Variants in NFILZ observed in about 807,000 individuals in gnomAD.
NFILZ encodes NFIL3 like basic leucine zipper, also known as NFIL3 like protein.
intron 3 of NFILZ, among the ~76,000 whole-genome samples, chr19:8,664,253 C>T (rs781820522): frequency 4.6e-5 from 7 of 152,198 alleles, no homozygotes; most frequent in Non-Finnish European, 1.0e-4. Flanking sequence ...GCCCATTTCA[C>T]AGTTCAAAGA....
intron 3 of NFILZ, among the ~76,000 whole-genome samples, chr19:8,665,901 C>T (rs1484160755): frequency 6.6e-6 from 1 of 152,198 alleles, no homozygotes; most frequent in African/African-American, 2.4e-5. Flanking sequence ...AGAAATCTTA[C>T]ACTCGCTGGA....
Position 8,678,077 on chromosome 19 carries a change from AATCCATCCATCCATTCC to A in NFILZ, c.*457_*473del. Among the ~76,000 whole-genome samples, 1 of 6,110 alleles carries A rather than the reference AATCCATCCATCCATTCC, an allele frequency of 1.6e-4. No individual in the cohort carries two copies. Among genetic ancestry groups the A allele is most frequent in the Non-Finnish European group, 3.1e-4 (1 of 3,222 alleles). The allele number at this position is 6,110 out of a possible 152,430, so 4.0% of individuals were successfully genotyped here. On this transcript the variant is annotated 3_prime_UTR_variant, in exon 6 of 6. Coordinates refer to ENST00000691075, the MANE Select transcript of NFILZ (RefSeq NM_001378600.1). ...CCACCCATCTATTCATCCATCCATC[AATCCATCCATCCATTCC>A]ATCCATCCATCCATCCATCCATCCA... is the stretch of plus-strand genomic sequence containing the variant.
intron 3 of NFILZ, among the ~76,000 whole-genome samples, chr19:8,663,913 A>G (rs1047833711): frequency 4.6e-5 from 7 of 151,816 alleles, no homozygotes; most frequent in Non-Finnish European, 8.8e-5. Flanking sequence ...TTGGCCTTGG[A>G]TGGACACGAG....
In NFILZ at chr19:8,678,043, T is replaced by TCCATCCATTCAG. The variant is rs2043120698; in HGVS notation, c.*416_*417insTCAGCCATCCAT. Among the ~76,000 whole-genome samples the TCCATCCATTCAG allele has an allele frequency of 2.2e-5, 1 of 45,234 alleles. No individual in the cohort carries two copies. Among genetic ancestry groups the TCCATCCATTCAG allele is most frequent in the Non-Finnish European group, 4.7e-5 (1 of 21,334 alleles). The allele number at this position is 45,234 out of a possible 152,430, so 29.7% of individuals were successfully genotyped here. ...CCTTATCCATCTATCCATCCATCCA[T>TCCATCCATTCAG]CCATCCATCCACCCATCTATTCATC... On this transcript the variant is annotated 3_prime_UTR_variant, in exon 6 of 6. Coordinates refer to ENST00000691075, the MANE Select transcript of NFILZ (RefSeq NM_001378600.1).
intron 3 of NFILZ, among the ~76,000 whole-genome samples, chr19:8,664,742 T>C (rs1363461562): frequency 6.6e-6 from 1 of 151,962 alleles, no homozygotes; most frequent in Non-Finnish European, 1.5e-5. Context: ...TGGTTCTCCT[T>C]GGGCAGACTT....
At chr19:8,657,740 T>C (rs911675212) in intron 3 of NFILZ, among the ~76,000 whole-genome samples, 12 of 152,324 alleles carry the variant, frequency 7.9e-5, no homozygotes, top group African/African-American at 2.9e-4. Context: ...GGCCAGTGTC[T>C]GACTGCAGCA....
At position 8,642,814 on chromosome 19, in the gene NFILZ, G is replaced by C. The variant is rs1486620746; in HGVS notation, c.-164+7068G>C. 2.0e-5 allele frequency among the ~76,000 whole-genome samples: 3 copies of C among 152,074 alleles called. No homozygotes were observed. In the East Asian group the frequency reaches 5.8e-4, roughly 29 times the overall value. ...CCCAGACTCAGGAAGTAAGGAAACA[G>C]AATCTATCTCTTGACTGGAGGAAAT... On this transcript the variant is annotated intron_variant, in intron 3 of 5. Transcript: ENST00000691075.
At chr19:8,634,839 C>CA (rs1202508561) in intron 2 of NFILZ, among the ~76,000 whole-genome samples, 1 of 152,040 alleles carries the variant, frequency 6.6e-6, no homozygotes, top group African/African-American at 2.4e-5. Context: ...AAGATGGCCC[C>CA]ACTGCACTTT....
intron 3 of NFILZ, among the ~76,000 whole-genome samples, chr19:8,656,571 C>G (rs1381354641): frequency 6.8e-6 from 1 of 148,130 alleles, no homozygotes; most frequent in Non-Finnish European, 1.5e-5. Flanking sequence ...CCACCTGGCT[C>G]CAACCTCCTG....
intron 3 of NFILZ, among the ~76,000 whole-genome samples, chr19:8,662,557 T>C (rs919824432): frequency 6.6e-6 from 1 of 151,750 alleles, no homozygotes; most frequent in Non-Finnish European, 1.5e-5. Context: ...GGAGGGGATG[T>C]TGCAGTTGTC....
chr19:8,653,038 T>TTCTCTCTCCCTC lies in NFILZ; in HGVS notation c.-164+17300_-164+17301insCCTCTCTCTCTC, dbSNP rs2042975354. The stretch of plus-strand genomic sequence containing the variant: ...TTTCTTTCTTTCTTTCTTTCTTTCT[T>TTCTCTCTCCCTC]TCTCTCTCTCTCTCTCTCTCTCTCT... On this transcript the variant is annotated intron_variant, in intron 3 of 5. Coordinates refer to ENST00000691075, the MANE Select transcript of NFILZ (RefSeq NM_001378600.1). 1.1e-3 allele frequency among the ~76,000 whole-genome samples: 97 copies of TTCTCTCTCCCTC among 90,558 alleles called. 2 individuals are homozygous for TTCTCTCTCCCTC. Among genetic ancestry groups the TTCTCTCTCCCTC allele is most frequent in the Middle Eastern group, 5.6e-3 (1 of 178 alleles). 59.4% of individuals were successfully genotyped at this position (90,558 alleles called of 152,430 possible).
chr19:8,636,182 GCTCATGC>G (rs2042893574), intron 3 of NFILZ, among the ~76,000 whole-genome samples: 1 of 151,542 alleles, frequency 6.6e-6, no homozygotes, highest in African/African-American at 2.4e-5. Context: ...GGGCGCGGTG[GCTCATGC>G]CTGTAATCTC....
At chr19:8,639,045 C>T (rs2042907797) in intron 3 of NFILZ, among the ~76,000 whole-genome samples, 1 of 151,944 alleles carries the variant, frequency 6.6e-6, no homozygotes, top group Non-Finnish European at 1.5e-5. Flanking sequence ...GCTTTCACCA[C>T]ATTGGCCAGG....
intron 3 of NFILZ, among the ~76,000 whole-genome samples, chr19:8,643,439 G>A (rs2042927074): frequency 6.6e-6 from 1 of 152,132 alleles, no homozygotes; most frequent in Admixed American, 6.6e-5. Flanking sequence ...CAGATATCTG[G>A]GTTAAACATT....
chr19:8,652,981 TTCCTTCCTTCCTTC>T lies in NFILZ; in HGVS notation c.-164+17236_-164+17249del, dbSNP rs2042972477. 1.0e-3 allele frequency among the ~76,000 whole-genome samples: 88 copies of T among 88,050 alleles called. 3 individuals are homozygous for T. The highest frequency in any genetic ancestry group is 7.0e-3 in the East Asian group (16 of 2,274). 57.8% of individuals were successfully genotyped at this position (88,050 alleles called of 152,430 possible). A position where few individuals can be genotyped will look rare whatever the true frequency, so the allele number is the denominator to read the frequency against. On this transcript the variant is annotated intron_variant, in intron 3 of 5. Coordinates refer to ENST00000691075, the MANE Select transcript of NFILZ (RefSeq NM_001378600.1). ...TTCCCTTCCTTCCCTCCTTCCTTCCTTCCTTCCTTCCTTCCTTCCTTCCTTCCTTCCTTTCTTTC... is the reference window on the plus strand; with the variant it reads ...TTCCCTTCCTTCCCTCCTTCCTTCCTCTTCCTTCCTTCCTTCCTTTCTTTC...
Position 8,653,038 on chromosome 19 carries a change from TTCTCTCTCTCTCTCTCTCTCTCTC to T in NFILZ, c.-164+17314_-164+17337del, listed in dbSNP as rs1163296485. ...TTTCTTTCTTTCTTTCTTTCTTTCT[TTCTCTCTCTCTCTCTCTCTCTCTC>T]TCTCTCTCTCTCTCTCTCTCTTTCT... On this transcript the variant is annotated intron_variant, in intron 3 of 5. Coordinates refer to ENST00000691075, the MANE Select transcript of NFILZ (RefSeq NM_001378600.1). 6.2e-4 allele frequency among the ~76,000 whole-genome samples: 56 copies of T among 90,544 alleles called. 1 individual carries two copies. The highest frequency in any genetic ancestry group is 2.4e-3 in the African/African-American group (50 of 21,160). 59.4% of individuals were successfully genotyped at this position (90,544 alleles called of 152,430 possible).
At chr19:8,656,091 T>G (rs1192116612) in intron 3 of NFILZ, among the ~76,000 whole-genome samples, 1 of 149,208 alleles carries the variant, frequency 6.7e-6, no homozygotes, top group Admixed American at 6.8e-5. Context: ...CACCAGGCAC[T>G]GCCCAGGAAG....
intron 2 of NFILZ, among the ~76,000 whole-genome samples, chr19:8,635,334 A>T (rs2146134596): frequency 6.6e-6 from 1 of 151,828 alleles, no homozygotes; most frequent in Non-Finnish European, 1.5e-5. Context: ...TAAAAAAAAA[A>T]AAAAAGAAAT....
intron 3 of NFILZ, among the ~76,000 whole-genome samples, chr19:8,657,709 T>A (rs1159048431): frequency 6.6e-6 from 1 of 152,142 alleles, no homozygotes; most frequent in African/African-American, 2.4e-5. Context: ...TGTTGAGGAA[T>A]CATTGGAATA....
Sources: gnomAD v4.1 joint callset for allele counts (sites outside exome capture counted in the v4.1 genomes callset) on GRCh38, gnomAD v4.1.1 for gene constraint, MANE v1.5 for transcripts, NCBI Gene and HGNC (gene_info 2026-07-23, HGNC 2026-07-21) for gene names.